The following ARFGEF2 variants were observed in gnomAD, a reference collection of about 807,000 sequenced individuals.
ARFGEF2 encodes the protein ARF guanine nucleotide exchange factor 2, also known as brefeldin A-inhibited guanine nucleotide-exchange protein 2.
ARFGEF2 carries 74 observed loss-of-function variants against 219.9 expected under a neutral mutation model. That is an observed-to-expected ratio of 0.34 (90% CI 0.28 to 0.41). ARFGEF2 has a LOEUF of 0.41. Among genes scored for constraint, ARFGEF2 ranks in the 10% least tolerant of loss-of-function variants. The probability of loss-of-function intolerance (pLI) is 1.00; values close to 1 mark genes in which losing one functional copy is unlikely to be tolerated. For synonymous variants in ARFGEF2, 733 were observed against 799.2 expected (o/e 0.92, Z 1.40); for missense variants, 1,743 against 2,218.3 (o/e 0.79, Z 4.30).
intron 2 of ARFGEF2, 121 bp downstream of exon 2, chr20:48,941,350 T>G: frequency 9.5e-7 from 1 of 1,052,514 alleles, no homozygotes; most frequent in East Asian, 2.6e-5. Flanking sequence ...GCACACACTC[T>G]GCAAGCATGG....
chr20:49,029,511 T>G (rs2091621133), intron 37 of ARFGEF2, among the ~76,000 whole-genome samples: 1 of 152,240 alleles, frequency 6.6e-6, no homozygotes, highest in Non-Finnish European at 1.5e-5. Flanking sequence ...AGAAAAAATT[T>G]TAAGCAGCTC....
chr20:48,974,886 T>A lies in ARFGEF2; in HGVS notation c.1774+12T>A. On this transcript the variant is annotated intron_variant, in intron 13 of 38. Transcript: ENST00000371917. ...CCAGACCAGCCTCGGTGAGACAGCA[T>A]TGCTGCCACACCCACCTCCATTCAT... 6.3e-7 allele frequency: 1 copy of A among 1,596,070 alleles called. No homozygotes were observed. The highest frequency in any genetic ancestry group is 8.6e-7 in the Non-Finnish European group (1 of 1,165,282).
At chr20:48,990,133 C>G (rs192892422) in intron 20 of ARFGEF2, among the ~76,000 whole-genome samples, 3 of 152,038 alleles carry the variant, frequency 2.0e-5, no homozygotes, top group Admixed American at 6.6e-5. Flanking sequence ...GAGCCGAGAT[C>G]GCGCCATTTT....
Position 48,941,850 on chromosome 20 carries a change from T to G in ARFGEF2, c.153-14T>G. 1 of 1,614,228 alleles carries G rather than the reference T, an allele frequency of 6.2e-7. No homozygotes were observed. On this transcript the variant is annotated splice_polypyrimidine_tract_variant and intron_variant, in intron 2 of 38. Transcript: ENST00000371917. ...TTCATTTCTTCTCCCGACCCTCTCT[T>G]GCTTTTCTCCTAGGCTTGGCACTGC...
chr20:49,032,020 A>C (rs1398167135), intron 37 of ARFGEF2, 29 bp from the exon 38 acceptor site: 1 of 1,432,566 alleles, frequency 7.0e-7, no homozygotes, highest in Admixed American at 1.7e-5. Flanking sequence ...CAATTGTTTG[A>C]TATGCCTCCC....
intron 6 of ARFGEF2, among the ~76,000 whole-genome samples, chr20:48,961,747 C>G (rs1274108622): frequency 2.6e-5 from 4 of 151,838 alleles, no homozygotes; most frequent in East Asian, 3.9e-4. Flanking sequence ...GCCTATAATC[C>G]CAGTTACTCA....
chr20:48,958,300 G>A (rs1446711038), intron 6 of ARFGEF2, among the ~76,000 whole-genome samples: 2 of 152,174 alleles, frequency 1.3e-5, no homozygotes, highest in African/African-American at 4.8e-5. Flanking sequence ...ACTGAGGCTT[G>A]GGGAGGTTAA....
chr20:48,953,001 G>T, intron 5 of ARFGEF2, 117 bp downstream of exon 5: 1 of 1,073,298 alleles, frequency 9.3e-7, no homozygotes. Context: ...CCTTCTTCCT[G>T]TGGATTCTCT....
intron 1 of ARFGEF2, among the ~76,000 whole-genome samples, chr20:48,930,734 TTCA>T (rs2123278712): frequency 6.6e-6 from 1 of 152,242 alleles, no homozygotes; most frequent in African/African-American, 2.4e-5. Context: ...GAGCCTGATG[TTCA>T]TAAGAGAGGT....
chr20:48,927,234 C>T (rs1004846296), intron 1 of ARFGEF2, among the ~76,000 whole-genome samples: 2 of 152,066 alleles, frequency 1.3e-5, no homozygotes, highest in Non-Finnish European at 2.9e-5. Context: ...GTAAGACATA[C>T]AAATGGGCAT....
chr20:49,028,370 T>C (rs536825594), intron 36 of ARFGEF2, among the ~76,000 whole-genome samples, 160 bp from the exon 37 acceptor site: 31 of 152,198 alleles, frequency 2.0e-4, no homozygotes, highest in African/African-American at 7.5e-4. Context: ...CAGTGAGCTA[T>C]GATCATGCCA....
At chr20:49,015,224 C>T (rs1340090269) in intron 30 of ARFGEF2, among the ~76,000 whole-genome samples, 1 of 152,126 alleles carries the variant, frequency 6.6e-6, no homozygotes, top group Non-Finnish European at 1.5e-5. Flanking sequence ...AGCAATTCTC[C>T]TGCCTCAGCC....
intron 36 of ARFGEF2, among the ~76,000 whole-genome samples, chr20:49,027,999 C>T (rs913457414): frequency 7.3e-5 from 11 of 151,686 alleles, no homozygotes; most frequent in Non-Finnish European, 1.2e-4. Flanking sequence ...CGGTGGCTCC[C>T]GTAATCCCAG....
At chr20:49,031,333 G>A (rs2091633338) in intron 37 of ARFGEF2, among the ~76,000 whole-genome samples, 1 of 140,504 alleles carries the variant, frequency 7.1e-6, no homozygotes, top group Non-Finnish European at 1.5e-5. Flanking sequence ...GAGTTCAAGT[G>A]ATTCTTGTGC....
chr20:48,969,424 ACT>A (rs1600620644), intron 9 of ARFGEF2, 147 bp downstream of exon 9: 1 of 1,444,484 alleles, frequency 6.9e-7, no homozygotes, highest in Admixed American at 1.9e-5. Context: ...AACTTTTCAG[ACT>A]CATGCAGTCT....
At chr20:49,003,469 G>T (rs963798524) in intron 25 of ARFGEF2, among the ~76,000 whole-genome samples, 2 of 151,758 alleles carry the variant, frequency 1.3e-5, no homozygotes, top group Non-Finnish European at 2.9e-5. Flanking sequence ...GCCGATCTTG[G>T]TGGCGGGCAC....
At chr20:48,982,250 A>G (rs2091300523) in intron 14 of ARFGEF2, among the ~76,000 whole-genome samples, 1 of 152,178 alleles carries the variant, frequency 6.6e-6, no homozygotes, top group African/African-American at 2.4e-5. Context: ...CCTCAGCTGC[A>G]GGTCTGTGGG....
Position 49,034,599 on chromosome 20 carries a change from T to A in ARFGEF2, c.*1400T>A, listed in dbSNP as rs2091655829. On this transcript the variant is annotated 3_prime_UTR_variant, in exon 39 of 39. Transcript: ENST00000371917. The stretch of plus-strand genomic sequence containing the variant: ...TAGACAAAGTGTTACACAGAATGAT[T>A]AAAACTTTCAGACTTCTACCTATGC... 1 of 152,202 alleles carries A rather than the reference T, an allele frequency of 6.6e-6. No individual in the cohort carries two copies. Among genetic ancestry groups the A allele is most frequent in the Non-Finnish European group, 1.5e-5 (1 of 68,036 alleles). 9.4% of individuals were successfully genotyped at this position (152,202 alleles called of 1,614,324 possible). A position where few individuals can be genotyped will look rare whatever the true frequency, so the allele number is the denominator to read the frequency against.
chr20:49,009,230 T>C (rs1236315367), intron 26 of ARFGEF2, among the ~76,000 whole-genome samples: 1 of 152,254 alleles, frequency 6.6e-6, no homozygotes, highest in African/African-American at 2.4e-5. Flanking sequence ...ACATGTTTAC[T>C]TTGTGAACTT....
Sources: gnomAD v4.1 joint callset for allele counts (sites outside exome capture counted in the v4.1 genomes callset) on GRCh38, gnomAD v4.1.1 for gene constraint, MANE v1.5 for transcripts, NCBI Gene and HGNC (gene_info 2026-07-23, HGNC 2026-07-21) for gene names.